The following RAB7A variants were observed in gnomAD, a reference collection of about 807,000 sequenced individuals.
RAB7A encodes the protein ras-related protein Rab-7a.
RAB7A carries 2 observed loss-of-function variants against 24.5 expected under a neutral mutation model. That is an observed-to-expected ratio of 0.08 (90% CI 0.03 to 0.26). The LOEUF (loss-of-function observed/expected upper bound fraction) is 0.26, where lower values mean the gene tolerates loss of function less well. Ranked by LOEUF, RAB7A falls within the 10% of genes least tolerant of loss-of-function variation. RAB7A has a pLI of 1.00. For missense variants in RAB7A, 118 were observed against 255.7 expected, an observed-to-expected ratio of 0.46 and a Z score of 3.67; for synonymous variants, 100 against 95.9, an observed-to-expected ratio of 1.04 and a Z score of -0.25.
rs995491060 is a variant in RAB7A at position 128,810,160 on chromosome 3, A to C, written c.528+2489A>C. Among the ~76,000 whole-genome samples, 3 of 151,702 alleles carry C rather than the reference A, an allele frequency of 2.0e-5. No individual in the cohort carries two copies. The South Asian group carries it at 6.3e-4, about 32-fold the overall frequency. ...AAGATAGGGTTTCACCATGTTGGCC[A>C]GGCTGGTCTGGAACTCACATTGTGA... On this transcript the variant is annotated intron_variant, in intron 5 of 5. Transcript: ENST00000265062.
chr3:128,800,356 C>T (rs1299032342), intron 3 of RAB7A, among the ~76,000 whole-genome samples: 1 of 152,166 alleles, frequency 6.6e-6, no homozygotes, highest in Non-Finnish European at 1.5e-5. Flanking sequence ...AGAACTTCTC[C>T]AGCTGAGCTG....
intron 1 of RAB7A, among the ~76,000 whole-genome samples, chr3:128,769,889 T>C (rs183025223): frequency 2.6e-5 from 4 of 152,360 alleles, no homozygotes; most frequent in Admixed American, 1.3e-4. Context: ...TTGTAAGGAT[T>C]AAAGCAGAGG....
chr3:128,752,690 A>G (rs921104343), intron 1 of RAB7A, among the ~76,000 whole-genome samples: 23 of 151,750 alleles, frequency 1.5e-4, no homozygotes, highest in Non-Finnish European at 3.1e-4. Flanking sequence ...TGTAGCTAGG[A>G]ATAATCCATA....
chr3:128,735,630 A>G (rs1201482328), intron 1 of RAB7A, among the ~76,000 whole-genome samples: 1 of 152,208 alleles, frequency 6.6e-6, no homozygotes, highest in Non-Finnish European at 1.5e-5. Context: ...CTTTAATGAA[A>G]AGTTAAACAT....
intron 1 of RAB7A, among the ~76,000 whole-genome samples, chr3:128,743,892 C>T (rs572863715): frequency 6.6e-5 from 10 of 151,248 alleles, no homozygotes; most frequent in Admixed American, 2.0e-4. Flanking sequence ...TGGGTTCAAG[C>T]GATTCTCCTC....
At chr3:128,789,190 C>G (rs1933402137) in intron 1 of RAB7A, among the ~76,000 whole-genome samples, 1 of 152,122 alleles carries the variant, frequency 6.6e-6, no homozygotes, top group African/African-American at 2.4e-5. Flanking sequence ...AAATGCTTTC[C>G]TTGAAGGACC....
intron 1 of RAB7A, among the ~76,000 whole-genome samples, chr3:128,741,551 G>T (rs2070554368): frequency 6.6e-6 from 1 of 151,452 alleles, no homozygotes; most frequent in African/African-American, 2.4e-5. Flanking sequence ...ATTTTAAATA[G>T]ATTTATTTAC....
At chr3:128,797,841 G>A in intron 2 of RAB7A, 102 bp from the exon 3 acceptor site, 1 of 1,405,778 alleles carries the variant, frequency 7.1e-7, no homozygotes, top group Non-Finnish European at 1.0e-6. Flanking sequence ...GCAGTTTCTT[G>A]TCCTTCAGGT....
At chr3:128,795,742 G>A (rs528514669) in intron 2 of RAB7A, among the ~76,000 whole-genome samples, 2 of 46,806 alleles carry the variant, frequency 4.3e-5, no homozygotes, top group Non-Finnish European at 1.1e-4. Context: ...ATCTGGCGTA[G>A]CAGATGTGCT....
chr3:128,779,488 A>G (rs1933170828), intron 1 of RAB7A, among the ~76,000 whole-genome samples: 1 of 151,938 alleles, frequency 6.6e-6, no homozygotes, highest in Admixed American at 6.6e-5. Context: ...CACCATTTCT[A>G]AATACATAGA....
At chr3:128,766,258 G>T (rs2070830473) in intron 1 of RAB7A, among the ~76,000 whole-genome samples, 1 of 152,168 alleles carries the variant, frequency 6.6e-6, no homozygotes, top group Non-Finnish European at 1.5e-5. Context: ...CAGTATGTTT[G>T]CAAAATTGCA....
In RAB7A at chr3:128,792,666, C is replaced by G. The variant is rs1933481939; in HGVS notation, c.-8-2694C>G. Among the ~76,000 whole-genome samples the G allele has an allele frequency of 2.0e-5, 3 of 151,596 alleles. No individual in the cohort carries two copies. The South Asian group carries it at 6.2e-4, about 32-fold the overall frequency. ...CAAGTGATCCACCTGCCTCGGCCTC[C>G]CAAAGTGCTGGCATTACAGGTGTGA... On this transcript the variant is annotated intron_variant, in intron 1 of 5. Coordinates refer to ENST00000265062, the MANE Select transcript of RAB7A (RefSeq NM_004637.6).
intron 1 of RAB7A, among the ~76,000 whole-genome samples, chr3:128,774,080 A>C (rs1010799674): frequency 2.0e-4 from 9 of 44,530 alleles, no homozygotes; most frequent in African/African-American, 3.6e-4. Context: ...TGATCAATTA[A>C]AAAAAAAAAA....
At chr3:128,739,926 C>A (rs1400450624) in intron 1 of RAB7A, among the ~76,000 whole-genome samples, 2 of 151,972 alleles carry the variant, frequency 1.3e-5, no homozygotes, top group Non-Finnish European at 2.9e-5. Flanking sequence ...ATTAGCCGGG[C>A]ATGGTGGCAC....
At chr3:128,767,655 G>C (rs1444405177) in intron 1 of RAB7A, among the ~76,000 whole-genome samples, 1 of 152,190 alleles carries the variant, frequency 6.6e-6, no homozygotes, top group Non-Finnish European at 1.5e-5. Context: ...GACAGACGGG[G>C]TGAGTGGAAA....
intron 1 of RAB7A, among the ~76,000 whole-genome samples, chr3:128,763,680 T>C (rs1415893707): frequency 6.6e-6 from 1 of 152,142 alleles, no homozygotes; most frequent in Admixed American, 6.5e-5. Context: ...CCTGTGTGAT[T>C]AGGAAGTGCT....
In RAB7A at chr3:128,813,397, C is replaced by T. The variant is rs1933969040; in HGVS notation, c.599C>T (p.Ala200Val). The change falls in exon 6 of 6, where the codon GCC (alanine) becomes GTC (valine). Residue 200 changes from alanine (A) to valine (V), a missense_variant. This residue lies in a region of RAB7A where 66 missense variants were observed against 82.2 expected (regional missense o/e 0.80). Coordinates refer to ENST00000265062, the MANE Select transcript of RAB7A (RefSeq NM_004637.6). Reference sequence around the variant, plus strand: ...CTGGACAAGAATGACCGGGCCAAGGCCTCGGCAGAAAGCTGCAGTTGCTGA... The same window carrying T: ...CTGGACAAGAATGACCGGGCCAAGGTCTCGGCAGAAAGCTGCAGTTGCTGA... ...IKLDKNDRAK[A>V]SAESCSC 6.2e-7 allele frequency: 1 copy of T among 1,614,098 alleles called. No individual in the cohort carries two copies. Among genetic ancestry groups the T allele is most frequent in the Non-Finnish European group, 8.5e-7 (1 of 1,180,042 alleles).
intron 1 of RAB7A, among the ~76,000 whole-genome samples, chr3:128,787,884 T>C (rs1312025938): frequency 6.6e-6 from 1 of 152,194 alleles, no homozygotes; most frequent in Non-Finnish European, 1.5e-5. Flanking sequence ...GGTAATGTAT[T>C]AAATATTTTG....
chr3:128,800,301 CA>C (rs1370157611), intron 3 of RAB7A, among the ~76,000 whole-genome samples: 2 of 152,202 alleles, frequency 1.3e-5, no homozygotes, highest in African/African-American at 4.8e-5. Flanking sequence ...GAAGATTCTC[CA>C]TGTGTCACAG....
Sources: gnomAD v4.1 joint callset for allele counts (sites outside exome capture counted in the v4.1 genomes callset) on GRCh38, gnomAD v4.1.1 for gene constraint, gnomAD v4.1.1 regional missense constraint, MANE v1.5 for transcripts, NCBI Gene and HGNC (gene_info 2026-07-23, HGNC 2026-07-21) for gene names.